The following KAZN variants were observed in gnomAD, a reference collection of about 807,000 sequenced individuals.
KAZN encodes the protein kazrin.
In KAZN, 40 loss-of-function variants were observed where a neutral mutation model predicts 87.4. The ratio of observed to expected loss-of-function variants is 0.46; its 90% CI spans 0.36 to 0.60. KAZN has a LOEUF of 0.60. Ranked by LOEUF, KAZN falls within the 20% of genes least tolerant of loss-of-function variation. KAZN has a pLI of 0.00. For missense variants in KAZN, 898 were observed against 1,073.9 expected, an observed-to-expected ratio of 0.84 and a Z score of 2.29; for synonymous variants, 466 against 458.3, an observed-to-expected ratio of 1.02 and a Z score of -0.22.
intron 4 of KAZN, among the ~76,000 whole-genome samples, chr1:15,048,050 C>G (rs1321695869): frequency 1.3e-5 from 2 of 152,210 alleles, no homozygotes; most frequent in East Asian, 3.9e-4. Context: ...GCCAGTGACA[C>G]TGAGGCCACT....
intron 2 of KAZN, among the ~76,000 whole-genome samples, chr1:14,317,704 T>A (rs1044958129): frequency 3.3e-5 from 5 of 151,984 alleles, no homozygotes; most frequent in African/African-American, 1.2e-4. Context: ...AGTCTTCTTT[T>A]AATGTCATCA....
chr1:14,549,611 C>A (rs1442808125), intron 2 of KAZN, among the ~76,000 whole-genome samples: 2 of 125,174 alleles, frequency 1.6e-5, no homozygotes, highest in Admixed American at 1.6e-4. Context: ...TCCAGGCAAC[C>A]CCTTTTTTTT....
At chr1:14,515,917 G>A (rs1193369213) in intron 2 of KAZN, among the ~76,000 whole-genome samples, 2 of 152,066 alleles carry the variant, frequency 1.3e-5, no homozygotes, top group African/African-American at 4.8e-5. Flanking sequence ...ACCCAGCATG[G>A]TCTCACGTAA....
At chr1:13,969,106 T>C (rs1414712771) in intron 1 of KAZN, among the ~76,000 whole-genome samples, 2 of 152,226 alleles carry the variant, frequency 1.3e-5, no homozygotes, top group African/African-American at 4.8e-5. Flanking sequence ...GTCTTCTAAA[T>C]ACTTGAGATA....
At chr1:15,019,714 G>A (rs1670475416) in intron 2 of KAZN, among the ~76,000 whole-genome samples, 1 of 152,190 alleles carries the variant, frequency 6.6e-6, no homozygotes, top group South Asian at 2.1e-4. Flanking sequence ...AAACTGGGGA[G>A]AATGATGGCA....
At chr1:14,765,251 G>T (rs1374627809) in intron 1 of KAZN, among the ~76,000 whole-genome samples, 1 of 152,234 alleles carries the variant, frequency 6.6e-6, no homozygotes, top group Admixed American at 6.5e-5. Flanking sequence ...ACATTGCCAA[G>T]TACCTCCTTG....
rs118093743 is a variant in KAZN at position 15,060,875 on chromosome 1, T to A, written c.1047+573T>A. 7.0e-3 allele frequency: 1,064 copies of A among 152,728 alleles called. 13 individuals carry two copies. The highest frequency in any genetic ancestry group is 0.042 in the South Asian group (204 of 4,838). The allele number at this position is 152,728 out of a possible 1,614,324, so 9.5% of individuals were successfully genotyped here. A position where few individuals can be genotyped will look rare whatever the true frequency, so the allele number is the denominator to read the frequency against. ...CAGACAGATGGGCTCTGCAACAGTGTGGGAGTAAATTGAAGGTGGGTTGAG... is the reference window on the plus strand; with the variant it reads ...CAGACAGATGGGCTCTGCAACAGTGAGGGAGTAAATTGAAGGTGGGTTGAG... On this transcript the variant is annotated intron_variant, in intron 6 of 14. Transcript: ENST00000376030.
intron 2 of KAZN, among the ~76,000 whole-genome samples, chr1:14,578,690 A>G (rs377711543): frequency 3.9e-4 from 59 of 152,314 alleles, no homozygotes; most frequent in African/African-American, 1.4e-3. Context: ...ATTCATATAC[A>G]AGTGAAAGTG....
intron 1 of KAZN, among the ~76,000 whole-genome samples, chr1:14,827,510 T>G (rs12691550): frequency 0.29 from 43,898 of 152,122 alleles, 6,690 homozygotes; most frequent in Non-Finnish European, 0.34. Flanking sequence ...ATGCGACGTT[T>G]GCTTTTCCAT....
At chr1:15,061,890 A>G (rs1439990100) in intron 6 of KAZN, 1 of 152,226 alleles carries the variant, frequency 6.6e-6, no homozygotes, top group Non-Finnish European at 1.5e-5. Flanking sequence ...AGAGAATCCT[A>G]GTGACAAAGT....
intron 1 of KAZN, among the ~76,000 whole-genome samples, chr1:14,785,783 G>A (rs1373813452): frequency 6.6e-6 from 1 of 152,122 alleles, no homozygotes; most frequent in Non-Finnish European, 1.5e-5. Flanking sequence ...TTATTTCCTT[G>A]TTACTCAAGA....
intron 2 of KAZN, among the ~76,000 whole-genome samples, chr1:14,225,502 A>G (rs1354368789): frequency 6.6e-6 from 1 of 152,208 alleles, no homozygotes. Flanking sequence ...ACTACCAATG[A>G]CATTTTTCAC....
intron 1 of KAZN, among the ~76,000 whole-genome samples, chr1:14,145,244 A>T (rs1439335079): frequency 6.6e-6 from 1 of 152,076 alleles, no homozygotes; most frequent in African/African-American, 2.4e-5. Context: ...GGAGCTTGAG[A>T]CCAGCCTGGG....
chr1:14,991,088 C>T (rs1245442266), intron 2 of KAZN, among the ~76,000 whole-genome samples: 4 of 151,854 alleles, frequency 2.6e-5, no homozygotes, highest in Non-Finnish European at 5.9e-5. Flanking sequence ...CGCAGAGGCT[C>T]GTGCCTGTAA....
rs200663718 is a variant in KAZN at position 14,444,957 on chromosome 1, G to A, written c.250-154026G>A. On this transcript the variant is annotated intron_variant, in intron 2 of 16. Transcript: ENST00000636203. The stretch of plus-strand genomic sequence containing the variant: ...TGGTACTCAGACTGTGAATTTATTT[G>A]AAGAGAAAGAGGTCTTTAATCAAGT... 8.6e-5 allele frequency among the ~76,000 whole-genome samples: 13 copies of A among 151,946 alleles called. No individual in the cohort carries two copies. The East Asian group carries it at 2.3e-3, about 27-fold the overall frequency.
intron 1 of KAZN, among the ~76,000 whole-genome samples, chr1:14,794,128 C>G (rs563567814): frequency 6.6e-6 from 1 of 152,288 alleles, no homozygotes; most frequent in East Asian, 1.9e-4. Flanking sequence ...AGGTGGCATC[C>G]TGGGCCCACT....
chr1:15,033,896 G>C (rs1339518430), intron 2 of KAZN, among the ~76,000 whole-genome samples: 3 of 152,002 alleles, frequency 2.0e-5, no homozygotes, highest in African/African-American at 4.8e-5. Flanking sequence ...ACACCACCAC[G>C]CCTGGCTAAT....
intron 1 of KAZN, among the ~76,000 whole-genome samples, chr1:13,931,353 T>C (rs903117040): frequency 2.6e-5 from 4 of 152,216 alleles, no homozygotes; most frequent in African/African-American, 9.6e-5. Context: ...CTGACATGTT[T>C]TAATCGCTGT....
chr1:15,038,067 C>T (rs1672517517), intron 3 of KAZN, among the ~76,000 whole-genome samples: 1 of 152,044 alleles, frequency 6.6e-6, no homozygotes, highest in Non-Finnish European at 1.5e-5. Flanking sequence ...GCCTGGACAA[C>T]AGAGTGAGAC....
Sources: allele counts gnomAD v4.1 joint callset (sites outside exome capture counted in the v4.1 genomes callset), GRCh38; gene constraint gnomAD v4.1.1; transcripts MANE v1.5; gene names NCBI Gene and HGNC (gene_info 2026-07-23, HGNC 2026-07-21).